GAREM1: variants seen among roughly 807,000 people sequenced by gnomAD.
GAREM1 encodes GRB2-associated and regulator of MAPK protein 1.
GAREM1 carries 26 observed loss-of-function variants against 71.3 expected under a neutral mutation model. The observed-to-expected ratio is 0.36, with a 90% confidence interval of 0.27 to 0.51. The LOEUF is 0.51. GAREM1 is among the 20% of genes least tolerant of loss of function. The pLI, the probability that GAREM1 is intolerant of heterozygous loss-of-function variation, is 0.95. For synonymous variants in GAREM1, 440 were observed against 433.2 expected, an observed-to-expected ratio of 1.02 and a Z score of -0.20; for missense variants, 1,026 against 1,103.1, an observed-to-expected ratio of 0.93 and a Z score of 0.99.
chr18:32,349,441 T>C (rs1392327494), intron 2 of GAREM1, among the ~76,000 whole-genome samples: 2 of 152,192 alleles, frequency 1.3e-5, no homozygotes, highest in Non-Finnish European at 2.9e-5. Context: ...ATGTATATCA[T>C]AGTGGTTTCC....
intron 4 of GAREM1, among the ~76,000 whole-genome samples, chr18:32,270,904 T>G (rs1195057960): frequency 7.1e-6 from 1 of 141,572 alleles, no homozygotes; most frequent in African/African-American, 2.6e-5. Flanking sequence ...GATGTTTTTT[T>G]TTTTTTTTTT....
chr18:32,278,804 C>A (rs539835061), intron 4 of GAREM1, among the ~76,000 whole-genome samples: 1 of 152,204 alleles, frequency 6.6e-6, no homozygotes, highest in African/African-American at 2.4e-5. Context: ...AAATGAACCT[C>A]TATTTGATTA....
At chr18:32,284,338 G>C (rs918932194) in intron 4 of GAREM1, among the ~76,000 whole-genome samples, 1 of 152,190 alleles carries the variant, frequency 6.6e-6, no homozygotes, top group Non-Finnish European at 1.5e-5. Context: ...TATGTCATAA[G>C]AAGTTACAGC....
intron 3 of GAREM1, among the ~76,000 whole-genome samples, chr18:32,299,253 G>T (rs2047174555): frequency 6.6e-6 from 1 of 152,100 alleles, no homozygotes. Flanking sequence ...GGTGGCTCAT[G>T]CCTGTAATCC....
chr18:32,386,389 G>A (rs1055638578), intron 2 of GAREM1, among the ~76,000 whole-genome samples: 2 of 152,194 alleles, frequency 1.3e-5, no homozygotes, highest in Non-Finnish European at 2.9e-5. Context: ...AAATCCAGGT[G>A]CTTGCTGAAT....
At chr18:32,382,545 AG>A (rs1200700828) in intron 2 of GAREM1, among the ~76,000 whole-genome samples, 2 of 152,200 alleles carry the variant, frequency 1.3e-5, no homozygotes, top group African/African-American at 4.8e-5. Flanking sequence ...TTGTAGTCAA[AG>A]GAACACCAGA....
At chr18:32,313,946 A>AG (rs1356545593) in intron 2 of GAREM1, among the ~76,000 whole-genome samples, 4 of 152,280 alleles carry the variant, frequency 2.6e-5, no homozygotes, top group African/African-American at 9.6e-5. Flanking sequence ...AGGAGTTAAG[A>AG]GGTAGGTGAT....
chr18:32,267,835 A>C lies in GAREM1; in HGVS notation c.*36T>G. ...CCCACCCCTTCTAGCACACGCATTGATCAGTTTTGTTCCATGCTGGCCGGG... is the reference window on the plus strand; with the variant it reads ...CCCACCCCTTCTAGCACACGCATTGCTCAGTTTTGTTCCATGCTGGCCGGG... On this transcript the variant is annotated 3_prime_UTR_variant, in exon 6 of 6. Coordinates refer to ENST00000269209, the MANE Select transcript of GAREM1 (RefSeq NM_001242409.2). 6.4e-7 allele frequency: 1 copy of C among 1,552,346 alleles called. No homozygotes were observed. The highest frequency in any genetic ancestry group is 1.2e-5 in the South Asian group (1 of 83,584).
At chr18:32,353,283 G>A (rs183645082) in intron 2 of GAREM1, among the ~76,000 whole-genome samples, 17 of 152,276 alleles carry the variant, frequency 1.1e-4, no homozygotes, top group African/African-American at 3.8e-4. Context: ...TGTGTTTTCT[G>A]AGCATAGGGG....
chr18:32,357,010 C>T (rs1042456617), intron 2 of GAREM1, among the ~76,000 whole-genome samples: 5 of 152,114 alleles, frequency 3.3e-5, no homozygotes, highest in Non-Finnish European at 7.4e-5. Context: ...TAGCACAATC[C>T]CGTGCTACTC....
chr18:32,304,043 AC>A (rs2047224994), intron 3 of GAREM1, among the ~76,000 whole-genome samples: 1 of 152,036 alleles, frequency 6.6e-6, no homozygotes. Flanking sequence ...TCAGTGGCTC[AC>A]CCCTGTAATC....
At chr18:32,416,084 C>T (rs1334563620) in intron 1 of GAREM1, among the ~76,000 whole-genome samples, 1 of 151,874 alleles carries the variant, frequency 6.6e-6, no homozygotes, top group African/African-American at 2.4e-5. Context: ...CAACAGTGAA[C>T]AATCTGAAAA....
chr18:32,405,899 T>C (rs1050751841), intron 1 of GAREM1, among the ~76,000 whole-genome samples: 1 of 152,226 alleles, frequency 6.6e-6, no homozygotes, highest in Admixed American at 6.5e-5. Flanking sequence ...CATTCTACTG[T>C]GATACTATGC....
At chr18:32,406,725 G>A (rs1469226363) in intron 1 of GAREM1, among the ~76,000 whole-genome samples, 2 of 152,122 alleles carry the variant, frequency 1.3e-5, no homozygotes, top group Non-Finnish European at 2.9e-5. Flanking sequence ...CTGAAGTACA[G>A]GTAATAATTG....
At chr18:32,306,505 C>T (rs1358796320) in intron 3 of GAREM1, among the ~76,000 whole-genome samples, 1 of 152,110 alleles carries the variant, frequency 6.6e-6, no homozygotes, top group East Asian at 1.9e-4. Flanking sequence ...CTCCACCCCA[C>T]AGTCATGACA....
intron 2 of GAREM1, among the ~76,000 whole-genome samples, chr18:32,332,472 G>C (rs893739654): frequency 6.6e-6 from 1 of 152,094 alleles, no homozygotes; most frequent in African/African-American, 2.4e-5. Context: ...GCTACGGAAG[G>C]GTGGCATGCA....
At chr18:32,431,412 G>A (rs1271406981) in intron 1 of GAREM1, among the ~76,000 whole-genome samples, 5 of 152,070 alleles carry the variant, frequency 3.3e-5, no homozygotes, top group African/African-American at 7.2e-5. Context: ...GGCGGATCAC[G>A]AGGCCTGGAG....
chr18:32,366,397 A>C (rs1307555192), intron 2 of GAREM1, among the ~76,000 whole-genome samples: 1 of 152,236 alleles, frequency 6.6e-6, no homozygotes, highest in African/African-American at 2.4e-5. Flanking sequence ...AAGAGTCCTC[A>C]ACAAATATCT....
At chr18:32,364,635 T>C (rs1009445750) in intron 2 of GAREM1, among the ~76,000 whole-genome samples, 2 of 152,172 alleles carry the variant, frequency 1.3e-5, no homozygotes, top group Non-Finnish European at 2.9e-5. Flanking sequence ...TTAAAAAAAG[T>C]CTGATGTGCC....
Sources: gnomAD v4.1 joint callset for allele counts (sites outside exome capture counted in the v4.1 genomes callset) on GRCh38, gnomAD v4.1.1 for gene constraint, MANE v1.5 for transcripts, NCBI Gene and HGNC (gene_info 2026-07-23, HGNC 2026-07-21) for gene names.